Variants in CDC42BPA observed in about 807,000 individuals in gnomAD.
CDC42BPA encodes the protein serine/threonine-protein kinase MRCK alpha.
In CDC42BPA, 80 loss-of-function variants were observed where a neutral mutation model predicts 223.5. That is an observed-to-expected ratio of 0.36 (90% confidence interval 0.30 to 0.43). The LOEUF (loss-of-function observed/expected upper bound fraction) is 0.43, where lower values mean the gene tolerates loss of function less well. Ranked by LOEUF, CDC42BPA falls within the 20% of genes least tolerant of loss-of-function variation. The pLI is 1.00. For synonymous variants in CDC42BPA, 694 were observed against 718.6 expected (o/e 0.97, Z 0.55); for missense variants, 1,743 against 2,099.9 (o/e 0.83, Z 3.32).
At chr1:227,195,974 T>A (rs1486823920) in intron 4 of CDC42BPA, among the ~76,000 whole-genome samples, 1 of 152,030 alleles carries the variant, frequency 6.6e-6, no homozygotes, top group Non-Finnish European at 1.5e-5. Flanking sequence ...GGGAACACAA[T>A]CAGCCAATTA....
chr1:227,109,151 C>T (rs984347170), intron 14 of CDC42BPA, among the ~76,000 whole-genome samples: 1 of 152,134 alleles, frequency 6.6e-6, no homozygotes, highest in African/African-American at 2.4e-5. Context: ...GAGTTAGTGA[C>T]TGGTGAGTGA....
intron 5 of CDC42BPA, 108 bp from the exon 6 acceptor site, chr1:227,160,744 T>G (rs985069153): frequency 1.8e-5 from 11 of 623,270 alleles, no homozygotes; most frequent in African/African-American, 1.1e-4. Context: ...AAAAGTAATA[T>G]TCTAAGAAAA....
intron 13 of CDC42BPA, 77 bp downstream of exon 13, chr1:227,112,594 T>C: frequency 3.5e-6 from 4 of 1,154,534 alleles, no homozygotes; most frequent in Non-Finnish European, 4.6e-6. Context: ...TTAAAAATTA[T>C]ATATTATATT....
chr1:227,113,506 C>CA lies in CDC42BPA; in HGVS notation c.1648-594dup, dbSNP rs1427511249. ...TCACAACCACAGATTCCAAAATACT[C>CA]AAAGAACAAAGCACCACAATCAAAC... On this transcript the variant is annotated intron_variant, in intron 12 of 36. Coordinates refer to ENST00000366766, the MANE Select transcript of CDC42BPA (RefSeq NM_001394014.1). Among the ~76,000 whole-genome samples, 3 of 152,006 alleles carry CA rather than the reference C, an allele frequency of 2.0e-5. No individual in the cohort carries two copies. In the East Asian group the frequency reaches 5.8e-4, roughly 29 times the overall value.
At chr1:227,310,495 A>G (rs1347195678) in intron 1 of CDC42BPA, among the ~76,000 whole-genome samples, 1 of 152,192 alleles carries the variant, frequency 6.6e-6, no homozygotes, top group Non-Finnish European at 1.5e-5. Flanking sequence ...CTGCTCTCAT[A>G]CAGTGATAGA....
chr1:227,195,519 T>C (rs1670527680), intron 4 of CDC42BPA, among the ~76,000 whole-genome samples: 2 of 152,126 alleles, frequency 1.3e-5, no homozygotes, highest in African/African-American at 2.4e-5. Context: ...TTACTTTTGA[T>C]TAAAGTGTGA....
At chr1:227,108,398 G>C (rs973746164) in intron 14 of CDC42BPA, among the ~76,000 whole-genome samples, 3 of 145,642 alleles carry the variant, frequency 2.1e-5, no homozygotes, top group Non-Finnish European at 4.5e-5. Context: ...ACATATTTTT[G>C]AGCATTCCAG....
rs60588018 is a variant in CDC42BPA, at chr1:227,222,052, CAAAAAAAAA to C, written c.271-8842_271-8834del. 4.4e-4 allele frequency among the ~76,000 whole-genome samples: 38 copies of C among 86,508 alleles called. 1 individual carries two copies. Among genetic ancestry groups the C allele is most frequent in the African/African-American group, 1.5e-3 (34 of 23,048 alleles). 56.8% of individuals were successfully genotyped at this position (86,508 alleles called of 152,430 possible). On this transcript the variant is annotated intron_variant, in intron 2 of 36. Transcript: ENST00000366766. ...CAACATAGGAAGACCCTATCTCTACCAAAAAAAAAAAAAAAAAAAAAAAAAAATTAATTA... is the reference window on the plus strand; with the variant it reads ...CAACATAGGAAGACCCTATCTCTACCAAAAAAAAAAAAAAAAAATTAATTA...
chr1:227,066,923 C>A (rs1677211110), intron 21 of CDC42BPA, among the ~76,000 whole-genome samples: 2 of 152,086 alleles, frequency 1.3e-5, no homozygotes, highest in African/African-American at 4.8e-5. Context: ...GTTGTACAGG[C>A]AGGATTTGTG....
intron 10 of CDC42BPA, among the ~76,000 whole-genome samples, chr1:227,129,702 C>CGCATATATATATATAT (rs1414504695): frequency 1.4e-5 from 1 of 70,918 alleles, no homozygotes; most frequent in African/African-American, 5.6e-5. Context: ...AAATCCACTG[C>CGCATATATATATATAT]ATATATATAT....
rs985094671 is a variant in CDC42BPA at position 227,007,905 on chromosome 1, A to T, written c.4858-2794T>A. On this transcript the variant is annotated intron_variant, in intron 34 of 36. Coordinates refer to ENST00000366766, the MANE Select transcript of CDC42BPA (RefSeq NM_001394014.1). ...TTTACATATTTTACTAAACGTCCTCATACTTGCCCTTTAAACATAGAAACC... is the reference window on the plus strand; with the variant it reads ...TTTACATATTTTACTAAACGTCCTCTTACTTGCCCTTTAAACATAGAAACC... Among the ~76,000 whole-genome samples, 4 of 152,356 alleles carry T rather than the reference A, an allele frequency of 2.6e-5. No homozygotes were observed. In the South Asian group the frequency reaches 8.3e-4, roughly 32 times the overall value.
At position 226,992,733 on chromosome 1, in the gene CDC42BPA, G is replaced by T. The variant is rs887019609; in HGVS notation, c.*1535C>A. ...GAGGCAAAATCTCTTTCCTTCATGA[G>T]ATACTTTTATTTTTATCTCTTTCTC... On this transcript the variant is annotated 3_prime_UTR_variant, in exon 37 of 37. Transcript: ENST00000366766. 1 of 152,228 alleles carries T rather than the reference G, an allele frequency of 6.6e-6. No individual in the cohort carries two copies. Among genetic ancestry groups the T allele is most frequent in the Non-Finnish European group, 1.5e-5 (1 of 68,044 alleles). 9.4% of individuals were successfully genotyped at this position (152,228 alleles called of 1,614,324 possible). A position where few individuals can be genotyped will look rare whatever the true frequency, so the allele number is the denominator to read the frequency against.
At chr1:227,283,465 T>C (rs1235239915) in intron 1 of CDC42BPA, among the ~76,000 whole-genome samples, 1 of 152,028 alleles carries the variant, frequency 6.6e-6, no homozygotes, top group Admixed American at 6.5e-5. Flanking sequence ...CACCTAAAAA[T>C]AGAAAAAGCA....
At chr1:227,051,374 A>T (rs999634655) in intron 22 of CDC42BPA, among the ~76,000 whole-genome samples, 2 of 152,206 alleles carry the variant, frequency 1.3e-5, no homozygotes, top group African/African-American at 4.8e-5. Flanking sequence ...CATGAAGTGT[A>T]AACACAACAC....
intron 16 of CDC42BPA, among the ~76,000 whole-genome samples, chr1:227,089,262 A>C (rs1682591371): frequency 6.6e-6 from 1 of 152,182 alleles, no homozygotes; most frequent in East Asian, 1.9e-4. Flanking sequence ...TTGGTGTAGC[A>C]ATGGCAAATG....
intron 2 of CDC42BPA, among the ~76,000 whole-genome samples, chr1:227,244,390 G>A (rs1017857449): frequency 1.3e-5 from 2 of 151,486 alleles, no homozygotes; most frequent in African/African-American, 4.9e-5. Context: ...AGAAACCAGA[G>A]TATATATTAC....
In CDC42BPA at chr1:227,091,867, A is replaced by C; in HGVS notation, c.2355+19T>G. 7.5e-7 allele frequency: 1 copy of C among 1,336,940 alleles called. No homozygotes were observed. Among genetic ancestry groups the C allele is most frequent in the Non-Finnish European group, 1.1e-6 (1 of 940,906 alleles). 82.8% of individuals were successfully genotyped at this position (1,336,940 alleles called of 1,614,324 possible). A position where few individuals can be genotyped will look rare whatever the true frequency, so the allele number is the denominator to read the frequency against. On this transcript the variant is annotated intron_variant, in intron 16 of 36. Transcript: ENST00000366766. ...ATCTAGCATGTACTACTCAATTAAT[A>C]TGAGATTAAATCACTCACCTTATCA...
At chr1:227,186,873 G>A (rs752967048) in intron 5 of CDC42BPA, among the ~76,000 whole-genome samples, 4 of 152,156 alleles carry the variant, frequency 2.6e-5, no homozygotes, top group African/African-American at 4.8e-5. Context: ...CTCACCCATC[G>A]TCTTCTCGTT....
intron 3 of CDC42BPA, among the ~76,000 whole-genome samples, chr1:227,206,274 G>A (rs1475323079): frequency 6.6e-6 from 1 of 152,178 alleles, no homozygotes; most frequent in African/African-American, 2.4e-5. Flanking sequence ...AACTAGCAAA[G>A]TCTGTAAATG....
Sources: gnomAD v4.1 joint callset for allele counts (sites outside exome capture counted in the v4.1 genomes callset) on GRCh38, gnomAD v4.1.1 for gene constraint, MANE v1.5 for transcripts, NCBI Gene and HGNC (gene_info 2026-07-23, HGNC 2026-07-21) for gene names.